TFEB: variants seen among roughly 807,000 people sequenced by gnomAD.
TFEB encodes T-cell transcription factor EB.
Under a neutral mutation model 48.0 loss-of-function variants are expected in TFEB, and 12 were observed. The observed-to-expected ratio is 0.25, with a 90% CI of 0.16 to 0.40. The LOEUF is 0.40. Among genes scored for constraint, TFEB ranks in the 10% least tolerant of loss-of-function variants. The pLI, the probability that TFEB is intolerant of heterozygous loss-of-function variation, is 1.00. For missense variants in TFEB, 509 were observed against 640.3 expected, an observed-to-expected ratio of 0.79 and a Z score of 2.21; for synonymous variants, 244 against 261.4, an observed-to-expected ratio of 0.93 and a Z score of 0.64.
rs531286231 is a variant in TFEB, at chr6:41,684,899, C to T, written c.1131G>A (p.Pro377=). ...GGGTGGGCAGGGGCAGCGGGGCTTG[C>T]GGGGGCAGAGCTGGCAGTGGCTCAG... The part of the protein sequence containing the change: ...PDPEPLPALP[P]QAPLPLPTQP... The change falls in exon 9 of 9, where the codon CCG becomes CCA. Residue 377 remains proline (P), a synonymous_variant. Transcript: ENST00000373033. The T allele has an allele frequency of 4.0e-5, 62 of 1,568,296 alleles. No individual in the cohort carries two copies. Among genetic ancestry groups the T allele is most frequent in the South Asian group, 3.7e-4 (31 of 83,720 alleles).
chr6:41,735,587 C>A lies in TFEB; in HGVS notation c.-260G>T. The stretch of plus-strand genomic sequence containing the variant: ...GTCACCGAGCCCCGCGCCCGGCGCC[C>A]GGGCTCCGGCTGTCACTCCACGCAC... On this transcript the variant is annotated 5_prime_UTR_variant, in exon 1 of 9. Coordinates refer to ENST00000373033, the MANE Select transcript of TFEB (RefSeq NM_001271944.2). 1 of 982,422 alleles carries A rather than the reference C, an allele frequency of 1.0e-6. No individual in the cohort carries two copies. The highest frequency in any genetic ancestry group is 1.2e-6 in the Non-Finnish European group (1 of 827,420). 60.9% of individuals were successfully genotyped at this position (982,422 alleles called of 1,614,324 possible).
At chr6:41,700,453 G>A (rs1199968154) in intron 1 of TFEB, among the ~76,000 whole-genome samples, 1 of 139,362 alleles carries the variant, frequency 7.2e-6, no homozygotes, top group Admixed American at 7.3e-5. Flanking sequence ...GCGACAGAGC[G>A]AGACTCCGTC....
intron 1 of TFEB, among the ~76,000 whole-genome samples, chr6:41,695,601 G>C (rs1308982192): frequency 2.0e-5 from 3 of 152,154 alleles, no homozygotes; most frequent in Admixed American, 6.5e-5. Context: ...ATTTGATCCA[G>C]GCAGGCTGGC....
At chr6:41,721,519 T>C (rs1290408970) in intron 1 of TFEB, among the ~76,000 whole-genome samples, 2 of 152,126 alleles carry the variant, frequency 1.3e-5, no homozygotes, top group African/African-American at 4.8e-5. Context: ...ACTGATTTCA[T>C]GGCTGAATTA....
chr6:41,691,396 C>A lies in TFEB; in HGVS notation c.-22-161G>T, dbSNP rs773949434. ...GATTTGCCCAAGGTCACTGAGCAAGCGGGTGACAGCTGAGACATGAATCCA... is the reference window on the plus strand; with the variant it reads ...GATTTGCCCAAGGTCACTGAGCAAGAGGGTGACAGCTGAGACATGAATCCA... On this transcript the variant is annotated intron_variant, in intron 1 of 8. Coordinates refer to ENST00000373033, the MANE Select transcript of TFEB (RefSeq NM_001271944.2). This position sits in a 1 kb window ranked among gnomAD's most constrained non-coding sequence, Gnocchi z 5.2. 3.8e-6 allele frequency: 3 copies of A among 781,634 alleles called. No individual in the cohort carries two copies. The highest frequency in any genetic ancestry group is 4.0e-5 in the Admixed American group (2 of 50,052). 48.4% of individuals were successfully genotyped at this position (781,634 alleles called of 1,614,324 possible). A position where few individuals can be genotyped will look rare whatever the true frequency, so the allele number is the denominator to read the frequency against.
intron 1 of TFEB, among the ~76,000 whole-genome samples, chr6:41,731,414 T>C (rs1465842912): frequency 6.6e-6 from 1 of 152,152 alleles, no homozygotes; most frequent in Non-Finnish European, 1.5e-5. Flanking sequence ...CCAGGACCAG[T>C]CTTTAGCTAA....
rs1581864316 is a variant in TFEB at position 41,684,192 on chromosome 6, G to C, written c.*407C>G. 4.2e-6 allele frequency: 1 copy of C among 237,692 alleles called. No individual in the cohort carries two copies. The highest frequency in any genetic ancestry group is 8.3e-6 in the Non-Finnish European group (1 of 121,166). The allele number at this position is 237,692 out of a possible 1,614,324, so 14.7% of individuals were successfully genotyped here. A position where few individuals can be genotyped will look rare whatever the true frequency, so the allele number is the denominator to read the frequency against. Reference sequence around the variant, plus strand: ...ATCTGAGTCCCAAAAAGGCAGGCCTGAGCACCCCCAGGACCAGTTGCCTCA... The same window carrying C: ...ATCTGAGTCCCAAAAAGGCAGGCCTCAGCACCCCCAGGACCAGTTGCCTCA... On this transcript the variant is annotated 3_prime_UTR_variant, in exon 9 of 9. Transcript: ENST00000373033.
intron 1 of TFEB, among the ~76,000 whole-genome samples, chr6:41,711,888 C>G (rs1405876809): frequency 6.6e-6 from 1 of 152,202 alleles, no homozygotes; most frequent in Non-Finnish European, 1.5e-5. Flanking sequence ...TCACCCAGCT[C>G]AGAGGCCTCT....
At chr6:41,735,178 C>T (rs1413134366) in intron 1 of TFEB, 172 bp downstream of exon 1, 3 of 922,140 alleles carry the variant, frequency 3.3e-6, no homozygotes, top group Non-Finnish European at 3.9e-6. Context: ...CGCTGGGCGC[C>T]CGGGGGCGGA....
At chr6:41,707,394 ATG>A (rs1206440370) in intron 1 of TFEB, among the ~76,000 whole-genome samples, 1 of 152,168 alleles carries the variant, frequency 6.6e-6, no homozygotes, top group East Asian at 1.9e-4. Context: ...TGGTTTGGAA[ATG>A]AAACATCAAG....
chr6:41,705,335 A>G (rs1770154643), intron 1 of TFEB, among the ~76,000 whole-genome samples: 1 of 152,150 alleles, frequency 6.6e-6, no homozygotes, highest in African/African-American at 2.4e-5. Context: ...GAGGTTGGCA[A>G]GGACCCAAAT....
At chr6:41,700,883 G>C (rs1403030725) in intron 1 of TFEB, among the ~76,000 whole-genome samples, 3 of 152,210 alleles carry the variant, frequency 2.0e-5, no homozygotes, top group African/African-American at 7.2e-5. Flanking sequence ...GACAACAGGG[G>C]GAGCAGCTTC....
rs978013289 is a variant in TFEB, at chr6:41,724,098, C to G, written c.-23+11252G>C. Among the ~76,000 whole-genome samples the G allele has an allele frequency of 4.6e-5, 7 of 151,704 alleles. No individual in the cohort carries two copies. The highest frequency in any genetic ancestry group is 1.7e-4 in the African/African-American group (7 of 41,214). ...ATGGAGCCTGAGATCAAGCAGAGCC[C>G]TGGGCAGCTCCGGGAAGATCCACAC... is the stretch of plus-strand genomic sequence containing the variant. On this transcript the variant is annotated intron_variant, in intron 1 of 8. Coordinates refer to ENST00000373033, the MANE Select transcript of TFEB (RefSeq NM_001271944.2). The surrounding 1 kb of genome is among the most constrained non-coding windows in gnomAD (Gnocchi z 4.4).
At chr6:41,707,140 CAA>C (rs1770266270) in intron 1 of TFEB, among the ~76,000 whole-genome samples, 1 of 152,176 alleles carries the variant, frequency 6.6e-6, no homozygotes, top group South Asian at 2.1e-4. Flanking sequence ...TCCCTGGACC[CAA>C]GATGCTTGAG....
At chr6:41,736,122 G>A (rs758385838), upstream of TFEB, 2 of 1,612,686 alleles carry the variant, frequency 1.2e-6, no homozygotes, top group Non-Finnish European at 1.7e-6. Context: ...CCCATTATGG[G>A]TTCTACATTC....
rs562224526 is a variant in TFEB, at chr6:41,729,378, C to G, written c.-23+5972G>C. Among the ~76,000 whole-genome samples the G allele has an allele frequency of 4.6e-5, 7 of 152,306 alleles. No homozygotes were observed. The East Asian group carries it at 1.4e-3, about 29-fold the overall frequency. On this transcript the variant is annotated intron_variant, in intron 1 of 8. Transcript: ENST00000373033. ...GGGAACAGCTTATTTCTGTGTGTGT[C>G]TGTATCATTTTTATTGTTAACAACA...
chr6:41,735,244 C>G, intron 1 of TFEB, 106 bp downstream of exon 1: 6 of 945,942 alleles, frequency 6.3e-6, no homozygotes, highest in Non-Finnish European at 7.6e-6. Context: ...CTGCCGGCAT[C>G]CCCCACCCTC....
chr6:41,690,506 C>G (rs1038537123), intron 3 of TFEB, among the ~76,000 whole-genome samples, 157 bp downstream of exon 3: 1 of 152,184 alleles, frequency 6.6e-6, no homozygotes, highest in African/African-American at 2.4e-5. Flanking sequence ...GTCTTCCCCC[C>G]TGAGATTGGG....
At chr6:41,716,774 A>C (rs1384875772) in intron 1 of TFEB, among the ~76,000 whole-genome samples, 1 of 152,184 alleles carries the variant, frequency 6.6e-6, no homozygotes, top group Non-Finnish European at 1.5e-5. Context: ...AACTTGGGCA[A>C]ACAGCCCTCC....
Sources: allele counts gnomAD v4.1 joint callset (sites outside exome capture counted in the v4.1 genomes callset), GRCh38; gene constraint gnomAD v4.1.1; non-coding constraint Gnocchi (gnomAD v3.1); transcripts MANE v1.5; gene names NCBI Gene and HGNC (gene_info 2026-07-23, HGNC 2026-07-21).